Variants in HADHA observed in about 807,000 individuals in gnomAD.
HADHA encodes hydroxyacyl-CoA dehydrogenase trifunctional multienzyme complex subunit alpha, also known as trifunctional enzyme subunit alpha, mitochondrial.
In HADHA, 59 loss-of-function variants were observed where a neutral mutation model predicts 91.3. The observed-to-expected ratio is 0.65, with a 90% CI of 0.52 to 0.80. The LOEUF (loss-of-function observed/expected upper bound fraction) is 0.80. HADHA is among the 30% of genes least tolerant of loss of function. HADHA has a pLI of 0.00. For synonymous variants in HADHA, 320 were observed against 338.9 expected (o/e 0.94, Z 0.61); for missense variants, 800 against 927.6 (o/e 0.86, Z 1.79).
Position 26,209,843 on chromosome 2 carries a change from C to A in HADHA, c.1022G>T (p.Gly341Val), listed in dbSNP as rs780821979. ...GCACAGGACCTGACCATGGTAGAGT[C>A]CCATCAAGGCCTTTGATTCTTTGGT... ...VMTKESKALMGLYHGQVLCKK... is the reference protein window; with the variant it reads ...VMTKESKALMVLYHGQVLCKK... Residue 341 changes from glycine to valine, a missense_variant, in exon 11 of 20, where the codon GGA becomes GTA. Coordinates refer to ENST00000380649, the MANE Select transcript of HADHA (RefSeq NM_000182.5). 6.2e-7 allele frequency: 1 copy of A among 1,606,582 alleles called. No individual in the cohort carries two copies. Among genetic ancestry groups the A allele is most frequent in the Non-Finnish European group, 8.5e-7 (1 of 1,173,246 alleles).
rs3067380 is a variant in HADHA, at chr2:26,229,374, A to ACACACAC, written c.676+817_676+818insGTGTGTG. 6.6e-6 allele frequency among the ~76,000 whole-genome samples: 1 copy of ACACACAC among 151,472 alleles called. No individual in the cohort carries two copies. Among genetic ancestry groups the ACACACAC allele is most frequent in the African/African-American group, 2.4e-5 (1 of 41,212 alleles). ...CACACACACACACACACACACACAC[A>ACACACAC]AAATTAATACATTTACTATTATGTA... On this transcript the variant is annotated intron_variant, in intron 7 of 19. Coordinates refer to ENST00000380649, the MANE Select transcript of HADHA (RefSeq NM_000182.5). This position sits in a 1 kb window ranked among gnomAD's most constrained non-coding sequence, Gnocchi z 4.3.
chr2:26,242,559 G>T (rs1156756552), intron 1 of HADHA, among the ~76,000 whole-genome samples: 1 of 152,130 alleles, frequency 6.6e-6, no homozygotes, highest in African/African-American at 2.4e-5. Flanking sequence ...CTTCCAGGCT[G>T]GAGTTAATAA....
At chr2:26,211,122 G>T (rs1670089917) in intron 10 of HADHA, among the ~76,000 whole-genome samples, 1 of 152,178 alleles carries the variant, frequency 6.6e-6, no homozygotes, top group African/African-American at 2.4e-5. Context: ...GAAATTTAGT[G>T]GGTGCCAATA....
At chr2:26,218,876 G>A (rs1270311593) in intron 7 of HADHA, among the ~76,000 whole-genome samples, 7 of 151,276 alleles carry the variant, frequency 4.6e-5, no homozygotes, top group Admixed American at 3.9e-4. Flanking sequence ...GTGTGGTGGT[G>A]TGCACCTGTA....
Position 26,191,011 on chromosome 2 carries a change from G to C in HADHA, c.*239C>G. The C allele has an allele frequency of 3.4e-6, 2 of 590,918 alleles. No homozygotes were observed. Among genetic ancestry groups the C allele is most frequent in the East Asian group, 2.9e-5 (1 of 34,384 alleles). The allele number at this position is 590,918 out of a possible 1,614,324, so 36.6% of individuals were successfully genotyped here. A position where few individuals can be genotyped will look rare whatever the true frequency, so the allele number is the denominator to read the frequency against. On this transcript the variant is annotated 3_prime_UTR_variant, in exon 20 of 20. Transcript: ENST00000380649. ...GCTCTTGGCTGCCACTCTAGGCCTC[G>C]GGGCTTATACAATGAGCAGTGGGCT...
At chr2:26,218,758 A>G (rs1670298109) in intron 7 of HADHA, among the ~76,000 whole-genome samples, 2 of 152,052 alleles carry the variant, frequency 1.3e-5, no homozygotes, top group Admixed American at 6.5e-5. Context: ...CCTGTAATCC[A>G]GCACTTTGGG....
chr2:26,191,734 G>A, intron 18 of HADHA, 106 bp from the exon 19 acceptor site: 1 of 1,153,378 alleles, frequency 8.7e-7, no homozygotes, highest in East Asian at 2.3e-5. Flanking sequence ...GGAGCTCTGT[G>A]GGCCGGTTGG....
rs1044461059 is a variant in HADHA, at chr2:26,221,857, C to T, written c.677-6682G>A. Among the ~76,000 whole-genome samples, 2 of 152,106 alleles carry T rather than the reference C, an allele frequency of 1.3e-5. No individual in the cohort carries two copies. The highest frequency in any genetic ancestry group is 2.9e-5 in the Non-Finnish European group (2 of 68,022). ...TGGGCAGTACTTCTGACAGTGCACC[C>T]GGTTGTTCATTTTGTCTAGAAAGAA... On this transcript the variant is annotated intron_variant, in intron 7 of 19. Coordinates refer to ENST00000380649, the MANE Select transcript of HADHA (RefSeq NM_000182.5). This position sits in a 1 kb window ranked among gnomAD's most constrained non-coding sequence, Gnocchi z 4.8.
intron 7 of HADHA, among the ~76,000 whole-genome samples, chr2:26,216,525 T>G (rs1670224888): frequency 6.6e-6 from 1 of 152,026 alleles, no homozygotes; most frequent in South Asian, 2.1e-4. Flanking sequence ...TTCACCATGT[T>G]GGCCAAGCTG....
intron 13 of HADHA, chr2:26,199,451 T>G (rs1553312768): frequency 6.6e-6 from 1 of 152,250 alleles, no homozygotes; most frequent in Non-Finnish European, 1.5e-5. Context: ...TCAGGTTACT[T>G]TCTTAGTAAT....
At chr2:26,218,210 G>C (rs922957084) in intron 7 of HADHA, among the ~76,000 whole-genome samples, 1 of 151,560 alleles carries the variant, frequency 6.6e-6, no homozygotes, top group Non-Finnish European at 1.5e-5. Context: ...TGAGATAGGA[G>C]AATCATTTGA....
intron 14 of HADHA, among the ~76,000 whole-genome samples, chr2:26,195,702 C>T (rs777413271): frequency 1.3e-5 from 2 of 152,164 alleles, no homozygotes; most frequent in Non-Finnish European, 2.9e-5. Flanking sequence ...TTAACTAACA[C>T]TCCTCAACAG....
At chr2:26,223,966 C>T (rs1291155497) in intron 7 of HADHA, among the ~76,000 whole-genome samples, 2 of 152,130 alleles carry the variant, frequency 1.3e-5, no homozygotes, top group African/African-American at 4.8e-5. Flanking sequence ...AGGCTGGTCT[C>T]GAACTCCTGA....
At chr2:26,218,858 T>C (rs1273148410) in intron 7 of HADHA, among the ~76,000 whole-genome samples, 1 of 151,222 alleles carries the variant, frequency 6.6e-6, no homozygotes, top group Non-Finnish European at 1.5e-5. Flanking sequence ...TATACAAAAA[T>C]TAGCTGGGTG....
At chr2:26,231,654 A>G (rs975925401) in intron 6 of HADHA, among the ~76,000 whole-genome samples, 3 of 152,198 alleles carry the variant, frequency 2.0e-5, no homozygotes, top group Non-Finnish European at 4.4e-5. Flanking sequence ...GAGACTAACA[A>G]AGGACCTTGA....
chr2:26,217,032 T>C (rs1056627234), intron 7 of HADHA, among the ~76,000 whole-genome samples: 4 of 152,182 alleles, frequency 2.6e-5, no homozygotes, highest in African/African-American at 9.7e-5. Context: ...AAATTCATGC[T>C]GTATGTTACA....
In HADHA at chr2:26,229,206, C is replaced by T. The variant is rs188017900; in HGVS notation, c.676+986G>A. 3.4e-4 allele frequency among the ~76,000 whole-genome samples: 51 copies of T among 151,852 alleles called. No homozygotes were observed. The highest frequency in any genetic ancestry group is 1.3e-3 in the Admixed American group (20 of 15,268). On this transcript the variant is annotated intron_variant, in intron 7 of 19. Coordinates refer to ENST00000380649, the MANE Select transcript of HADHA (RefSeq NM_000182.5). The surrounding 1 kb of genome is among the most constrained non-coding windows in gnomAD (Gnocchi z 4.3). Reference sequence around the variant, plus strand: ...AATAAAAAATTAGCTGGTGTAGCAGCGTATGCCTGTGGTCTCAGCTACTCG... The same window carrying T: ...AATAAAAAATTAGCTGGTGTAGCAGTGTATGCCTGTGGTCTCAGCTACTCG...
At chr2:26,232,871 G>C (rs1025215956) in intron 5 of HADHA, among the ~76,000 whole-genome samples, 3 of 151,338 alleles carry the variant, frequency 2.0e-5, no homozygotes, top group African/African-American at 7.3e-5. Flanking sequence ...ACACATCTAG[G>C]CTATATGGGA....
At chr2:26,224,250 T>C (rs968051290) in intron 7 of HADHA, among the ~76,000 whole-genome samples, 7 of 152,236 alleles carry the variant, frequency 4.6e-5, no homozygotes, top group African/African-American at 1.7e-4. Context: ...GCACTTTCTT[T>C]GGTTTTTAGC....
Sources: allele counts gnomAD v4.1 joint callset (sites outside exome capture counted in the v4.1 genomes callset), GRCh38; gene constraint gnomAD v4.1.1; non-coding constraint Gnocchi (gnomAD v3.1); transcripts MANE v1.5; gene names NCBI Gene and HGNC (gene_info 2026-07-23, HGNC 2026-07-21).